NLGN3: variants seen among roughly 807,000 people sequenced by gnomAD.
NLGN3 encodes the protein neuroligin 3.
NLGN3 carries 11 observed loss-of-function variants against 42.9 expected under a neutral mutation model. The ratio of observed to expected loss-of-function variants is 0.26; its 90% CI spans 0.16 to 0.42. NLGN3 has a LOEUF of 0.42. NLGN3 is among the 10% of genes least tolerant of loss of function. The pLI, the probability that NLGN3 is intolerant of heterozygous loss-of-function variation, is 1.00. For missense variants in NLGN3, 374 were observed against 733.8 expected (o/e 0.51, Z 5.67); for synonymous variants, 279 against 312.7 (o/e 0.89, Z 1.14).
chrX:71,157,593 G>A (rs904307221), intron 5 of NLGN3, among the ~76,000 whole-genome samples: 1 of 111,008 alleles, frequency 9.0e-6, no homozygotes, highest in Non-Finnish European at 1.9e-5. Flanking sequence ...CAAAGTGCTG[G>A]GATTACAGGC....
chrX:71,161,717 C>A (rs1422185007), intron 5 of NLGN3, among the ~76,000 whole-genome samples: 2 of 111,179 alleles, frequency 1.8e-5, no homozygotes, highest in East Asian at 2.8e-4. Context: ...GAGGTTGCAG[C>A]GAGCCGAGAT....
chrX:71,172,532 G>C (rs765105695), downstream of NLGN3, among the ~76,000 whole-genome samples: 2 of 111,227 alleles, frequency 1.8e-5, no homozygotes, highest in South Asian at 3.8e-4. Context: ...GTCTACCCTT[G>C]GCCAACACAT....
chrX:71,158,131 G>A, intron 5 of NLGN3, among the ~76,000 whole-genome samples: 1 of 109,853 alleles, frequency 9.1e-6, no homozygotes, highest in Non-Finnish European at 1.9e-5. Context: ...AGGCTGGAGT[G>A]CAGTGGTGCA....
intron 3 of NLGN3, 21 bp from the exon 4 acceptor site, chrX:71,153,456 C>T: frequency 8.4e-7 from 1 of 1,197,242 alleles, no homozygotes; most frequent in Non-Finnish European, 1.1e-6. Context: ...GCTGTTGTGT[C>T]TCCCCGTGTC....
downstream of NLGN3, among the ~76,000 whole-genome samples, chrX:71,173,366 C>T (rs1010101197): frequency 9.0e-6 from 1 of 111,423 alleles, no homozygotes; most frequent in Non-Finnish European, 1.9e-5. Flanking sequence ...GAAGAGGTGA[C>T]CTCCAAGACA....
At chrX:71,173,683 T>C (rs963273462), downstream of NLGN3, among the ~76,000 whole-genome samples, 2 of 112,507 alleles carry the variant, frequency 1.8e-5, no homozygotes, top group African/African-American at 3.2e-5. Flanking sequence ...GAAATCTCCA[T>C]AGCTTGAAGT....
chrX:71,165,789 C>T (rs1456587794), intron 6 of NLGN3, among the ~76,000 whole-genome samples: 1 of 111,756 alleles, frequency 8.9e-6, no homozygotes, highest in Non-Finnish European at 1.9e-5. Context: ...CTACCTCGGC[C>T]TCCCAAAGTG....
chrX:71,165,018 C>A (rs982443515), intron 6 of NLGN3, among the ~76,000 whole-genome samples: 3 of 111,884 alleles, frequency 2.7e-5, no homozygotes, highest in Non-Finnish European at 5.6e-5. Context: ...TGGGAACATT[C>A]TATCTCTGAG....
intron 3 of NLGN3, among the ~76,000 whole-genome samples, chrX:71,152,326 CTCT>C (rs1383008258): frequency 9.0e-6 from 1 of 110,723 alleles, no homozygotes; most frequent in Non-Finnish European, 1.9e-5. Context: ...CACCTCTAGT[CTCT>C]TCTTTTTTCT....
chrX:71,166,500 G>C lies in NLGN3; in HGVS notation c.914-511G>C, dbSNP rs770441560. Reference sequence around the variant, plus strand: ...AAGTATCAGTGGAGACCACAGACGGGGAGCACAGGTTCCCTGGAGACTTTC... The same window carrying C: ...AAGTATCAGTGGAGACCACAGACGGCGAGCACAGGTTCCCTGGAGACTTTC... On this transcript the variant is annotated intron_variant, in intron 6 of 7. Transcript: ENST00000358741. 3.4e-4 allele frequency among the ~76,000 whole-genome samples: 38 copies of C among 111,338 alleles called. No individual in the cohort carries two copies. In the Admixed American group the frequency reaches 3.6e-3, roughly 11 times the overall value.
chrX:71,157,020 G>A lies in NLGN3; in HGVS notation c.727+1657G>A, dbSNP rs769619130. Among the ~76,000 whole-genome samples the A allele has an allele frequency of 1.3e-3, 141 of 111,074 alleles. 1 individual carries two copies. The highest frequency in any genetic ancestry group is 2.2e-3 in the Non-Finnish European group (114 of 52,940). On this transcript the variant is annotated intron_variant, in intron 5 of 7. Transcript: ENST00000358741. ...CCCTGCTCATGCTCCCCCAAGCCCC[G>A]CATCCCTGTAGTGGCATGAAGAAGC...
At chrX:71,168,836 AGAAAG>A in intron 7 of NLGN3, among the ~76,000 whole-genome samples, 1 of 87,011 alleles carries the variant, frequency 1.1e-5, no homozygotes, top group African/African-American at 6.3e-5. Flanking sequence ...AAAGAAAGAA[AGAAAG>A]AAAGAAAGAA....
intron 1 of NLGN3, among the ~76,000 whole-genome samples, chrX:71,145,244 C>T (rs899997343): frequency 1.3e-4 from 14 of 107,570 alleles, no homozygotes; most frequent in Admixed American, 1.3e-3. Flanking sequence ...ATTGAGGGCC[C>T]CCAGCCCCAT....
rs2147919128 is a variant in NLGN3 at position 71,171,010 on chromosome X, AT to A, written c.*917del. The A allele has an allele frequency of 1.3e-6, 1 of 748,518 alleles. No homozygotes were observed. The highest frequency in any genetic ancestry group is 2.4e-5 in the African/African-American group (1 of 41,733). 61.7% of individuals were successfully genotyped at this position (748,518 alleles called of 1,213,427 possible). On this transcript the variant is annotated 3_prime_UTR_variant, in exon 8 of 8. Coordinates refer to ENST00000358741, the MANE Select transcript of NLGN3 (RefSeq NM_181303.2). ...GGAAATGCTATCAGAAATTCGCCCC[AT>A]TTTCTTTACAGTCTTTTGTGTCTGT...
intron 5 of NLGN3, among the ~76,000 whole-genome samples, chrX:71,162,738 T>G (rs191065839): frequency 2.7e-5 from 3 of 111,795 alleles, no homozygotes; most frequent in Non-Finnish European, 5.7e-5. Context: ...AGTGGTGAGG[T>G]CTTGTGACTG....
In NLGN3 at chrX:71,147,927, A is replaced by G. The variant is rs2092376672; in HGVS notation, c.178A>G (p.Ser60Gly). ...KLRGARVPLP[S>G]EILGPVDQYL... is the part of the protein sequence containing the mutation. ...AAGGGGTGCCCGAGTACCACTGCCC[A>G]GTGAGATCCTGGGGCCTGTGGACCA... The change falls in exon 2 of 8, where the codon AGT (serine) becomes GGT (glycine). Residue 60 changes from serine (S) to glycine (G), a missense_variant. Physicochemically the swap from Ser to Gly is moderately conservative, Grantham distance 56 (BLOSUM62 0). Coordinates refer to ENST00000358741, the MANE Select transcript of NLGN3 (RefSeq NM_181303.2). The G allele has an allele frequency of 8.3e-7, 1 of 1,209,761 alleles. No homozygotes were observed. Among genetic ancestry groups the G allele is most frequent in the Non-Finnish European group, 1.1e-6 (1 of 894,481 alleles).
Position 71,164,285 on chromosome X carries a change from T to C in NLGN3, c.870T>C (p.Gly290=), listed in dbSNP as rs1400594230. The stretch of plus-strand genomic sequence containing the variant: ...TCACTGTCTTTGGCTCGGGCATTGG[T>C]GCATCCTGCGTCAGCCTCCTCACGT... ...RRITVFGSGI[G]ASCVSLLTLS... Residue 290 remains glycine, a synonymous_variant, in exon 6 of 8, where the codon GGT becomes GGC. Coordinates refer to ENST00000358741, the MANE Select transcript of NLGN3 (RefSeq NM_181303.2). 8.2e-7 allele frequency: 1 copy of C among 1,212,147 alleles called. No homozygotes were observed.
At chrX:71,151,331 C>T (rs1025030225) in intron 3 of NLGN3, among the ~76,000 whole-genome samples, 1 of 111,307 alleles carries the variant, frequency 9.0e-6, no homozygotes, top group Non-Finnish European at 1.9e-5. Context: ...AAAAAAAACT[C>T]AGCTGGTTTC....
chrX:71,155,354 G>A lies in NLGN3; in HGVS notation c.718G>A (p.Gly240Arg). The change falls in exon 5 of 8, where the codon GGA (glycine) becomes AGA (arginine). Residue 240 changes from glycine to arginine, a missense_variant. Physicochemically the swap from Gly to Arg is moderately radical, Grantham distance 125 (BLOSUM62 -2). Around this residue, in one of 6 missense-constraint regions of NLGN3, gnomAD observed 28 missense variants for 48.2 expected, o/e 0.58. Transcript: ENST00000358741. Reference protein sequence around the residue: ...VIVITLNYRVGVLGFLSTGDQ... With the variant: ...VIVITLNYRVRVLGFLSTGDQ... ...CGTCATCACCCTCAACTATCGGGTTGGAGTGCTAGGTATGGTTCCCTGCCT... is the reference window on the plus strand; with the variant it reads ...CGTCATCACCCTCAACTATCGGGTTAGAGTGCTAGGTATGGTTCCCTGCCT... The A allele has an allele frequency of 8.2e-7, 1 of 1,212,264 alleles. No homozygotes were observed. The highest frequency in any genetic ancestry group is 1.1e-6 in the Non-Finnish European group (1 of 895,512).
Sources: gnomAD v4.1 joint callset for allele counts (sites outside exome capture counted in the v4.1 genomes callset) on GRCh38, gnomAD v4.1.1 for gene constraint, gnomAD v4.1.1 regional missense constraint, MANE v1.5 for transcripts, NCBI Gene and HGNC (gene_info 2026-07-23, HGNC 2026-07-21) for gene names.